MUC13: variants seen among roughly 807,000 people sequenced by gnomAD.
MUC13 encodes mucin 13, cell surface associated, also known as mucin-13.
Under a neutral mutation model 48.3 loss-of-function variants are expected in MUC13, and 32 were observed. The observed-to-expected ratio is 0.66, with a 90% CI of 0.50 to 0.89. MUC13 has a LOEUF of 0.89. Ranked by LOEUF, MUC13 falls within the 40% of genes least tolerant of loss-of-function variation. The probability of loss-of-function intolerance (pLI) is 0.00; values close to 1 mark genes in which losing one functional copy is unlikely to be tolerated. For missense variants in MUC13, 571 were observed against 622.8 expected (o/e 0.92, Z 0.88); for synonymous variants, 199 against 224.9 (o/e 0.88, Z 1.03).
At chr3:124,907,596 TG>T (rs1935338170) in intron 11 of MUC13, among the ~76,000 whole-genome samples, 1 of 151,856 alleles carries the variant, frequency 6.6e-6, no homozygotes, top group African/African-American at 2.4e-5. Context: ...CAAGTCTGGG[TG>T]ACAGAGTGAG....
chr3:124,923,110 A>AAG (rs759928588), intron 3 of MUC13, among the ~76,000 whole-genome samples: 5 of 151,422 alleles, frequency 3.3e-5, no homozygotes, highest in Non-Finnish European at 7.4e-5. Context: ...CAGAAAAAAA[A>AAG]AAAAAACAGA....
chr3:124,919,033 A>G (rs936569352), intron 5 of MUC13, among the ~76,000 whole-genome samples: 2 of 152,074 alleles, frequency 1.3e-5, no homozygotes, highest in Non-Finnish European at 1.5e-5. Flanking sequence ...ATTCCACCAA[A>G]GATTTTTAAA....
At chr3:124,932,551 A>G (rs1935815159) in intron 1 of MUC13, among the ~76,000 whole-genome samples, 1 of 151,652 alleles carries the variant, frequency 6.6e-6, no homozygotes, top group Admixed American at 6.6e-5. Context: ...GGGCGACAAG[A>G]GTGAAACTCG....
intron 1 of MUC13, among the ~76,000 whole-genome samples, chr3:124,933,461 A>G (rs958977491): frequency 2.0e-5 from 3 of 152,206 alleles, no homozygotes; most frequent in Admixed American, 2.0e-4. Flanking sequence ...ACAGGAAAGA[A>G]GACCGAGAAG....
At chr3:124,917,126 GTCTCTC>G (rs138692223) in intron 5 of MUC13, among the ~76,000 whole-genome samples, 1 of 149,726 alleles carries the variant, frequency 6.7e-6, no homozygotes, top group African/African-American at 2.4e-5. Flanking sequence ...CATTGTCACT[GTCTCTC>G]TCTCTCTCTC....
At chr3:124,922,380 A>AT (rs1267680480) in intron 3 of MUC13, 77 bp from the exon 4 acceptor site, 2 of 1,494,982 alleles carry the variant, frequency 1.3e-6, no homozygotes, top group South Asian at 2.6e-5. Context: ...AACATAGATT[A>AT]TTTTTTAGAA....
chr3:124,929,976 A>G (rs1909580), intron 1 of MUC13, among the ~76,000 whole-genome samples: 65,397 of 152,066 alleles, frequency 0.43, 14,079 homozygotes, highest in South Asian at 0.47. Context: ...CTATCATCGG[A>G]GTAGCAGTGA....
chr3:124,912,104 T>TGACG lies in MUC13; in HGVS notation c.1251_1252insCGTC (p.Lys418ArgfsTer33). 6.2e-7 allele frequency: 1 copy of TGACG among 1,612,758 alleles called. No individual in the cohort carries two copies. Among genetic ancestry groups the TGACG allele is most frequent in the Non-Finnish European group, 8.5e-7 (1 of 1,179,448 alleles). ...ATAATAGCAAGACTTTCATACTCACTGTCCTTACAGTCGAGTCCACTGTAG... is the reference window on the plus strand; with the variant it reads ...ATAATAGCAAGACTTTCATACTCACTGACGGTCCTTACAGTCGAGTCCACTGTAG... On this transcript the variant is annotated frameshift_variant and splice_region_variant, in exon 9 of 12. Transcript: ENST00000616727. LOFTEE classifies it high-confidence loss of function.
At position 124,916,462 on chromosome 3, in the gene MUC13, T is replaced by C; in HGVS notation, c.819A>G (p.Arg273=). ...ILTVSTSLSP[R]SEMRADDKFV... ...ACTTGTCATCAGCACGCATTTCAGA[T>C]CTTGGTGACAGAGATGTGCTAAAAA... The change falls in exon 6 of 12, where the codon AGA becomes AGG. Residue 273 remains arginine, a synonymous_variant. Coordinates refer to ENST00000616727, the MANE Select transcript of MUC13 (RefSeq NM_033049.4). 6.2e-7 allele frequency: 1 copy of C among 1,612,306 alleles called. No homozygotes were observed. The highest frequency in any genetic ancestry group is 8.5e-7 in the Non-Finnish European group (1 of 1,179,138).
At position 124,910,437 on chromosome 3, in the gene MUC13, T is replaced by C. The variant is rs1227875303; in HGVS notation, c.1315A>G (p.Ile439Val). 3 of 1,614,002 alleles carry C rather than the reference T, an allele frequency of 1.9e-6. No homozygotes were observed. The highest frequency in any genetic ancestry group is 2.5e-6 in the Non-Finnish European group (3 of 1,179,952). Residue 439 changes from isoleucine to valine, a missense_variant, in exon 10 of 12, where the codon ATT becomes GTT. Physicochemically the swap from Ile to Val is conservative, Grantham distance 29 (BLOSUM62 3). Coordinates refer to ENST00000616727, the MANE Select transcript of MUC13 (RefSeq NM_033049.4). ...TACCTTGCTGTGACAATCAATGCAA[T>C]TATCATGCTGAGAATGACAATGCCA... ...IAGIVILSMIIALIVTARSNN... is the reference protein window; with the variant it reads ...IAGIVILSMIVALIVTARSNN...
At chr3:124,908,000 T>G in intron 11 of MUC13, 147 bp downstream of exon 11, 1 of 759,740 alleles carries the variant, frequency 1.3e-6, no homozygotes, top group Admixed American at 3.0e-5. Context: ...ACTTCCTTTT[T>G]GATCTCTCTC....
chr3:124,908,351 G>C lies in MUC13; in HGVS notation c.1338-3C>G. On this transcript the variant is annotated splice_region_variant and splice_polypyrimidine_tract_variant and intron_variant, in intron 10 of 11. Transcript: ENST00000616727. ...TATGCTTCGTTTTGTTATTTGATCTGTAATCAGTAAGAGGAATTAGGATTT... is the reference window on the plus strand; with the variant it reads ...TATGCTTCGTTTTGTTATTTGATCTCTAATCAGTAAGAGGAATTAGGATTT... 1 of 1,612,348 alleles carries C rather than the reference G, an allele frequency of 6.2e-7. No homozygotes were observed. The highest frequency in any genetic ancestry group is 1.3e-5 in the African/African-American group (1 of 74,994).
rs1197700562 is a variant in MUC13 at position 124,916,225 on chromosome 3, T to C, written c.964+92A>G. 3.1e-6 allele frequency: 3 copies of C among 958,770 alleles called. No homozygotes were observed. The Admixed American group carries it at 7.4e-5, about 24-fold the overall frequency. The allele number at this position is 958,770 out of a possible 1,614,324, so 59.4% of individuals were successfully genotyped here. Reference sequence around the variant, plus strand: ...GACAGTTGTCAGTTCAATGATGCAGTTCTTGTCTCCTTTTCACATATAATG... The same window carrying C: ...GACAGTTGTCAGTTCAATGATGCAGCTCTTGTCTCCTTTTCACATATAATG... On this transcript the variant is annotated intron_variant, in intron 6 of 11. Transcript: ENST00000616727.
At chr3:124,917,497 C>A (rs544117383) in intron 5 of MUC13, among the ~76,000 whole-genome samples, 2,037 of 152,138 alleles carry the variant, frequency 0.013, 19 homozygotes, top group Non-Finnish European at 0.021. Context: ...CAGGCACGCG[C>A]CACCGTGCCC....
intron 11 of MUC13, 75 bp from the exon 12 acceptor site, chr3:124,906,817 C>A (rs972080540): frequency 3.9e-5 from 6 of 152,218 alleles, no homozygotes; most frequent in Admixed American, 2.6e-4. Flanking sequence ...TCGTTTAGAT[C>A]TGTAAATTAT....
intron 2 of MUC13, among the ~76,000 whole-genome samples, chr3:124,926,620 G>A (rs1935692461): frequency 6.6e-6 from 1 of 152,168 alleles, no homozygotes; most frequent in Admixed American, 6.5e-5. Flanking sequence ...TTGACCCTGG[G>A]TGAGTCATGG....
chr3:124,928,308 A>G (rs1935731692), intron 1 of MUC13, among the ~76,000 whole-genome samples: 1 of 152,202 alleles, frequency 6.6e-6, no homozygotes, highest in Admixed American at 6.5e-5. Context: ...CCCACAATAA[A>G]TAACATTAAA....
chr3:124,913,139 G>C lies in MUC13; in HGVS notation c.1186C>G (p.Gln396Glu). 6.2e-7 allele frequency: 1 copy of C among 1,613,880 alleles called. No individual in the cohort carries two copies. The highest frequency in any genetic ancestry group is 8.5e-7 in the Non-Finnish European group (1 of 1,179,956). ...TGGCAGTTCCCATTAGCATCTTCCTGGTAGCCGGGCACGCACGCACACTCA... is the reference window on the plus strand; with the variant it reads ...TGGCAGTTCCCATTAGCATCTTCCTCGTAGCCGGGCACGCACGCACACTCA... ...APECACVPGYQEDANGNCQKC... is the reference protein window; with the variant it reads ...APECACVPGYEEDANGNCQKC... Residue 396 changes from glutamine (Q) to glutamate (E), a missense_variant, in exon 8 of 12, where the codon CAG becomes GAG. Gln to Glu is a conservative substitution (Grantham distance 29). Transcript: ENST00000616727.
intron 5 of MUC13, among the ~76,000 whole-genome samples, chr3:124,919,983 C>A (rs1000122733): frequency 2.0e-5 from 3 of 152,216 alleles, no homozygotes; most frequent in Non-Finnish European, 4.4e-5. Context: ...ACCATGTGCA[C>A]AAGTTGTTGC....
Sources: gnomAD v4.1 joint callset for allele counts (sites outside exome capture counted in the v4.1 genomes callset) on GRCh38, gnomAD v4.1.1 for gene constraint, MANE v1.5 for transcripts, NCBI Gene and HGNC (gene_info 2026-07-23, HGNC 2026-07-21) for gene names.